ADGRF4: variants seen among roughly 807,000 people sequenced by gnomAD.
ADGRF4 encodes the protein G-protein coupled receptor PGR18.
Under a neutral mutation model 58.5 loss-of-function variants are expected in ADGRF4, and 63 were observed. The observed-to-expected ratio is 1.08, with a 90% CI of 0.88 to 1.33. ADGRF4 has a LOEUF of 1.33. Among genes scored for constraint, ADGRF4 ranks in the 40% most tolerant of loss-of-function variants. ADGRF4 has a pLI of 0.00. For missense variants in ADGRF4, 931 were observed against 843.9 expected (o/e 1.10, Z -1.28); for synonymous variants, 313 against 295.4 (o/e 1.06, Z -0.61).
chr6:47,714,528 C>T lies in ADGRF4; in HGVS notation c.1283C>T (p.Ser428Phe), dbSNP rs1399082727. ...LCLIIEATVW[S>F]RVVVTEISYM... The stretch of plus-strand genomic sequence containing the variant: ...CTGATCATTGAAGCCACAGTGTGGT[C>T]CCGGGTGGTTGTGACGGAGATATCA... The change falls in exon 6 of 10, where the codon TCC becomes TTC. Residue 428 changes from serine (S) to phenylalanine (F), a missense_variant. Transcript: ENST00000283303. The T allele has an allele frequency of 6.8e-6, 11 of 1,614,048 alleles. No individual in the cohort carries two copies. Among genetic ancestry groups the T allele is most frequent in the South Asian group, 1.1e-5 (1 of 91,062 alleles).
intron 5 of ADGRF4, among the ~76,000 whole-genome samples, 196 bp from the exon 6 acceptor site, chr6:47,713,601 AT>A (rs141768433): frequency 7.9e-5 from 12 of 151,522 alleles, no homozygotes; most frequent in South Asian, 2.1e-4. Flanking sequence ...CTTAGCTGTG[AT>A]TTTTTTTTGC....
At position 47,716,832 on chromosome 6, in the gene ADGRF4, C is replaced by T. The variant is rs1435459848; in HGVS notation, c.1959C>T (p.Thr653=). 1 of 1,599,174 alleles carries T rather than the reference C, an allele frequency of 6.3e-7. No individual in the cohort carries two copies. Among genetic ancestry groups the T allele is most frequent in the Non-Finnish European group, 8.5e-7 (1 of 1,172,422 alleles). Reference sequence around the variant, plus strand: ...GTTTTTTCATCCTGCTGTTTGGAACCATTATGGATCACAAGGTAATTTGAA... The same window carrying T: ...GTTTTTTCATCCTGCTGTTTGGAACTATTATGGATCACAAGGTAATTTGAA... The part of the protein sequence containing the change: ...FQGFFILLFG[T]IMDHKIRDAL... Residue 653 remains threonine (T), a synonymous_variant, in exon 7 of 10, where the codon ACC becomes ACT. Transcript: ENST00000283303.
At chr6:47,720,026 G>T (rs1287241006) in intron 9 of ADGRF4, among the ~76,000 whole-genome samples, 1 of 152,160 alleles carries the variant, frequency 6.6e-6, no homozygotes, top group African/African-American at 2.4e-5. Context: ...CAGTATTGGG[G>T]ACTATGCTTT....
chr6:47,708,689 A>G (rs1473851137), intron 3 of ADGRF4, among the ~76,000 whole-genome samples: 5 of 152,222 alleles, frequency 3.3e-5, no homozygotes, highest in Non-Finnish European at 5.9e-5. Flanking sequence ...GATGGACATC[A>G]TGGTGATGAG....
intron 8 of ADGRF4, 149 bp downstream of exon 8, chr6:47,717,500 T>C (rs1772051558): frequency 1.5e-6 from 1 of 680,454 alleles, no homozygotes; most frequent in East Asian, 2.7e-5. Context: ...ATTCGGTAAA[T>C]TTGGAGTGTT....
chr6:47,721,373 G>A lies in ADGRF4; in HGVS notation c.*168G>A, dbSNP rs1247875257. 1 of 152,164 alleles carries A rather than the reference G, an allele frequency of 6.6e-6. No homozygotes were observed. Among genetic ancestry groups the A allele is most frequent in the Non-Finnish European group, 1.5e-5 (1 of 68,064 alleles). The allele number at this position is 152,164 out of a possible 1,614,324, so 9.4% of individuals were successfully genotyped here. ...GCTCTTGGTCGGCCGAAGAAAAACT[G>A]AGGATAACATTTGCTGACTGGGCTT... is the stretch of plus-strand genomic sequence containing the variant. On this transcript the variant is annotated 3_prime_UTR_variant, in exon 10 of 10. Coordinates refer to ENST00000283303, the MANE Select transcript of ADGRF4 (RefSeq NM_153838.5).
rs76099832 is a variant in ADGRF4, at chr6:47,699,499, A to G, written c.-17+705A>G. ...TATCAAGATAGTTGGTGAGATATCT[A>G]GATGTCTTCTAACTCTGAAATTGTC... On this transcript the variant is annotated intron_variant, in intron 1 of 9. Transcript: ENST00000283303. Among the ~76,000 whole-genome samples, 661 of 152,348 alleles carry G rather than the reference A, an allele frequency of 4.3e-3. 3 individuals are homozygous for G. Among genetic ancestry groups the G allele is most frequent in the African/African-American group, 0.014 (576 of 41,578 alleles).
rs199878194 is a variant in ADGRF4, at chr6:47,710,747, G to A, written c.161G>A (p.Gly54Glu). 1.7e-5 allele frequency: 27 copies of A among 1,602,474 alleles called. No individual in the cohort carries two copies. Among genetic ancestry groups the A allele is most frequent in the South Asian group, 4.5e-5 (4 of 88,778 alleles). ...TTTTTCTTTATAGAGAAATGCGAAG[G>A]ACCTTGTATTTCTTCTTCCAACTGC... ...KTGRIQEKCE[G>E]PCISSSNCSQ... Residue 54 changes from glycine to glutamate, a missense_variant, in exon 4 of 10, where the codon GGA (glycine) becomes GAA (glutamate). Physicochemically the swap from Gly to Glu is moderately conservative, Grantham distance 98 (BLOSUM62 -2). Coordinates refer to ENST00000283303, the MANE Select transcript of ADGRF4 (RefSeq NM_153838.5).
In ADGRF4 at chr6:47,714,244, A is replaced by G; in HGVS notation, c.999A>G (p.Ile333Met). ...TACCAGAAAGGTTGCAAGAAATCAT[A>G]CTCACCTTCGAAAAGATCAATAAAA... is the stretch of plus-strand genomic sequence containing the variant. ...VVLPERLQEIILTFEKINKTR... is the reference protein window; with the variant it reads ...VVLPERLQEIMLTFEKINKTR... Residue 333 changes from isoleucine (I) to methionine (M), a missense_variant, in exon 6 of 10, where the codon ATA becomes ATG. Physicochemically the swap from Ile to Met is conservative, Grantham distance 10 (BLOSUM62 1). Coordinates refer to ENST00000283303, the MANE Select transcript of ADGRF4 (RefSeq NM_153838.5). The G allele has an allele frequency of 6.2e-7, 1 of 1,614,090 alleles. No homozygotes were observed. Among genetic ancestry groups the G allele is most frequent in the Non-Finnish European group, 8.5e-7 (1 of 1,179,992 alleles).
chr6:47,717,774 C>T (rs2113908690), intron 8 of ADGRF4, among the ~76,000 whole-genome samples: 1 of 152,342 alleles, frequency 6.6e-6, no homozygotes, highest in East Asian at 1.9e-4. Context: ...AGCAGAATCA[C>T]AACAGGGAGC....
chr6:47,715,390 G>A (rs565602388), intron 6 of ADGRF4: 205 of 502,696 alleles, frequency 4.1e-4, no homozygotes, highest in African/African-American at 3.6e-3. Flanking sequence ...TTTCCTCACT[G>A]ATGCACCTGT....
chr6:47,716,679 A>G (rs937437936), intron 6 of ADGRF4, 127 bp from the exon 7 acceptor site: 4 of 713,820 alleles, frequency 5.6e-6, no homozygotes, highest in African/African-American at 5.4e-5. Flanking sequence ...TATCTGCATT[A>G]GTGGAAACTG....
chr6:47,717,740 C>G (rs568431449), intron 8 of ADGRF4, among the ~76,000 whole-genome samples: 1 of 152,334 alleles, frequency 6.6e-6, no homozygotes, highest in South Asian at 2.1e-4. Flanking sequence ...ATGGGATGGG[C>G]ACATGGCCAC....
In ADGRF4 at chr6:47,716,712, G is replaced by A. The variant is rs1022840966; in HGVS notation, c.1933-94G>A. 13 of 910,350 alleles carry A rather than the reference G, an allele frequency of 1.4e-5. No individual in the cohort carries two copies. In the African/African-American group the frequency reaches 1.5e-4, roughly 10 times the overall value. The allele number at this position is 910,350 out of a possible 1,614,324, so 56.4% of individuals were successfully genotyped here. A position where few individuals can be genotyped will look rare whatever the true frequency, so the allele number is the denominator to read the frequency against. On this transcript the variant is annotated intron_variant, in intron 6 of 9. Coordinates refer to ENST00000283303, the MANE Select transcript of ADGRF4 (RefSeq NM_153838.5). Reference sequence around the variant, plus strand: ...CTGAACTTTCTAATGTCCAATAACTGCCCTAGGAGGTATCTAGAAGAGCGG... The same window carrying A: ...CTGAACTTTCTAATGTCCAATAACTACCCTAGGAGGTATCTAGAAGAGCGG...
intron 1 of ADGRF4, among the ~76,000 whole-genome samples, chr6:47,702,009 T>G (rs1283098927): frequency 2.6e-5 from 4 of 152,158 alleles, no homozygotes; most frequent in Non-Finnish European, 5.9e-5. Flanking sequence ...TGGCTCATTT[T>G]TTTGTATTTA....
chr6:47,718,180 G>GT (rs1453737770), intron 8 of ADGRF4, among the ~76,000 whole-genome samples: 1 of 152,082 alleles, frequency 6.6e-6, no homozygotes, highest in Non-Finnish European at 1.5e-5. Flanking sequence ...GGAAAGTTTT[G>GT]TTTCTTTTTA....
chr6:47,714,082 G>A lies in ADGRF4; in HGVS notation c.837G>A (p.Glu279=). Reference sequence around the variant, plus strand: ...GAATGGTACAGATTCCCAGGCAAGAGCTAAGGAAGCTGTGGCCAAATGCAT... The same window carrying A: ...GAATGGTACAGATTCCCAGGCAAGAACTAAGGAAGCTGTGGCCAAATGCAT... ...ILGMVQIPRQ[E]LRKLWPNASQ... is the part of the protein sequence containing the mutation. The change falls in exon 6 of 10, where the codon GAG becomes GAA. Residue 279 remains glutamate, a synonymous_variant. Transcript: ENST00000283303. 6.2e-7 allele frequency: 1 copy of A among 1,614,100 alleles called. No individual in the cohort carries two copies. The highest frequency in any genetic ancestry group is 8.5e-7 in the Non-Finnish European group (1 of 1,180,012).
In ADGRF4 at chr6:47,714,720, T is replaced by C; in HGVS notation, c.1475T>C (p.Leu492Pro). The C allele has an allele frequency of 6.2e-7, 1 of 1,614,040 alleles. No homozygotes were observed. Among genetic ancestry groups the C allele is most frequent in the Non-Finnish European group, 8.5e-7 (1 of 1,179,896 alleles). Residue 492 changes from leucine to proline, a missense_variant, in exon 6 of 10, where the codon CTC becomes CCC. Physicochemically the swap from Leu to Pro is moderately conservative, Grantham distance 98. Coordinates refer to ENST00000283303, the MANE Select transcript of ADGRF4 (RefSeq NM_153838.5). ...FFYLSLFFWM[L>P]FKALLIIYGI... is the part of the protein sequence containing the mutation. ...TACCTCTCTCTGTTTTTCTGGATGC[T>C]CTTCAAAGCATTGCTCATCATTTAT...
At chr6:47,719,626 T>C (rs1772110134) in intron 9 of ADGRF4, among the ~76,000 whole-genome samples, 1 of 152,166 alleles carries the variant, frequency 6.6e-6, no homozygotes, top group Non-Finnish European at 1.5e-5. Context: ...GTTTTAGGTT[T>C]ATCAGACTGT....
Sources: gnomAD v4.1 joint callset for allele counts (sites outside exome capture counted in the v4.1 genomes callset) on GRCh38, gnomAD v4.1.1 for gene constraint, MANE v1.5 for transcripts, NCBI Gene and HGNC (gene_info 2026-07-23, HGNC 2026-07-21) for gene names.